ITSN2: variants seen among roughly 807,000 people sequenced by gnomAD.
The protein encoded by ITSN2 is intersectin 2, also known as intersectin-2.
Under a neutral mutation model 243.7 loss-of-function variants are expected in ITSN2, and 156 were observed. The observed-to-expected ratio is 0.64, with a 90% CI of 0.56 to 0.73. ITSN2 has a LOEUF of 0.73. Among genes scored for constraint, ITSN2 ranks in the 30% least tolerant of loss-of-function variants. The probability of loss-of-function intolerance (pLI) is 0.00; values close to 1 mark genes in which losing one functional copy is unlikely to be tolerated. For synonymous variants in ITSN2, 703 were observed against 699.9 expected (o/e 1.00, Z -0.07); for missense variants, 1,801 against 1,996.1 (o/e 0.90, Z 1.86).
At chr2:24,268,806 C>T (rs1173326087) in intron 20 of ITSN2, among the ~76,000 whole-genome samples, 1 of 151,320 alleles carries the variant, frequency 6.6e-6, no homozygotes, top group Non-Finnish European at 1.5e-5. Context: ...TATTTACTAC[C>T]TTCTCTCCTT....
intron 30 of ITSN2, 98 bp downstream of exon 30, chr2:24,220,847 C>T (rs757134622): frequency 6.1e-6 from 9 of 1,475,384 alleles, no homozygotes; most frequent in Non-Finnish European, 3.6e-6. Flanking sequence ...TGATGCCTTG[C>T]TTTGACTCTG....
intron 32 of ITSN2, chr2:24,214,351 T>C (rs930196707): frequency 1.3e-5 from 2 of 152,232 alleles, no homozygotes; most frequent in South Asian, 4.1e-4. Context: ...TTGTATAATA[T>C]AGAATAATCT....
At chr2:24,232,317 T>C (rs1558457961) in intron 29 of ITSN2, among the ~76,000 whole-genome samples, 1 of 152,236 alleles carries the variant, frequency 6.6e-6, no homozygotes, top group Non-Finnish European at 1.5e-5. Flanking sequence ...AAAGCAACTA[T>C]ATTGACAAGT....
At chr2:24,222,745 G>T (rs113429605) in intron 29 of ITSN2, among the ~76,000 whole-genome samples, 4,810 of 144,990 alleles carry the variant, frequency 0.033, 120 homozygotes, top group Middle Eastern at 0.054. Flanking sequence ...CGCAAATCTC[G>T]GCTCACTGCA....
At chr2:24,313,897 T>G (rs1380148747) in intron 3 of ITSN2, among the ~76,000 whole-genome samples, 1 of 152,046 alleles carries the variant, frequency 6.6e-6, no homozygotes, top group African/African-American at 2.4e-5. Flanking sequence ...CCTCCATGAG[T>G]TTCTTCACAC....
At chr2:24,316,113 T>C (rs1290493331) in intron 2 of ITSN2, among the ~76,000 whole-genome samples, 1 of 152,128 alleles carries the variant, frequency 6.6e-6, no homozygotes, top group Non-Finnish European at 1.5e-5. Context: ...TCAAGGCATG[T>C]GCAAGGTGCT....
intron 32 of ITSN2, among the ~76,000 whole-genome samples, chr2:24,215,098 TTCTC>T (rs1345559586): frequency 3.3e-5 from 5 of 152,336 alleles, no homozygotes; most frequent in Admixed American, 2.0e-4. Flanking sequence ...ATACACAGTG[TTCTC>T]TCTCTGAGTA....
At chr2:24,227,782 G>A (rs533161332) in intron 29 of ITSN2, among the ~76,000 whole-genome samples, 1 of 152,286 alleles carries the variant, frequency 6.6e-6, no homozygotes, top group African/African-American at 2.4e-5. Context: ...AGCGGGGCAT[G>A]GTGGCGGGTG....
In ITSN2 at chr2:24,211,146, GC is replaced by G. The variant is rs1669459023; in HGVS notation, c.4090-200del. The stretch of plus-strand genomic sequence containing the variant: ...TCTTGGGGACACAGGGACAGGTAAC[GC>G]TGCTGTGACAAGGTGACAGTGCTAA... On this transcript the variant is annotated intron_variant, in intron 33 of 39. Transcript: ENST00000355123. The surrounding 1 kb of genome is among the most constrained non-coding windows in gnomAD (Gnocchi z 4.1). Among the ~76,000 whole-genome samples, 1 of 152,228 alleles carries G rather than the reference GC, an allele frequency of 6.6e-6. No individual in the cohort carries two copies. The highest frequency in any genetic ancestry group is 2.4e-5 in the African/African-American group (1 of 41,464).
rs1669438360 is a variant in ITSN2 at position 24,211,003 on chromosome 2, T to C, written c.4090-56A>G. Reference sequence around the variant, plus strand: ...GAGCTGCGTCTCTCACCTGCCCACCTGGACCTTCGCAGGACCGCTCCTCCA... The same window carrying C: ...GAGCTGCGTCTCTCACCTGCCCACCCGGACCTTCGCAGGACCGCTCCTCCA... On this transcript the variant is annotated intron_variant, in intron 33 of 39. Transcript: ENST00000355123. This position sits in a 1 kb window ranked among gnomAD's most constrained non-coding sequence, Gnocchi z 4.1. The C allele has an allele frequency of 3.2e-6, 5 of 1,563,376 alleles. No homozygotes were observed. Among genetic ancestry groups the C allele is most frequent in the Non-Finnish European group, 4.4e-6 (5 of 1,137,970 alleles).
intron 1 of ITSN2, among the ~76,000 whole-genome samples, chr2:24,349,034 A>T (rs917063341): frequency 3.9e-5 from 6 of 152,224 alleles, no homozygotes; most frequent in Non-Finnish European, 7.3e-5. Flanking sequence ...CTGGAGGCCA[A>T]GGCAGGATGA....
intron 15 of ITSN2, among the ~76,000 whole-genome samples, chr2:24,291,415 C>T (rs1680232059): frequency 6.6e-6 from 1 of 152,088 alleles, no homozygotes; most frequent in Non-Finnish European, 1.5e-5. Context: ...AGGCATGAGC[C>T]ACAGTGTCCA....
chr2:24,223,884 G>GA (rs1553344488), intron 29 of ITSN2, among the ~76,000 whole-genome samples: 6 of 128,716 alleles, frequency 4.7e-5, no homozygotes, highest in African/African-American at 8.6e-5. Flanking sequence ...AAAAAAGAAA[G>GA]AAGAAAAATA....
intron 1 of ITSN2, among the ~76,000 whole-genome samples, chr2:24,333,061 A>T (rs1346443693): frequency 1.3e-5 from 2 of 152,222 alleles, no homozygotes; most frequent in Non-Finnish European, 2.9e-5. Flanking sequence ...ATGATACTGT[A>T]CTCATTTCAC....
intron 2 of ITSN2, among the ~76,000 whole-genome samples, chr2:24,324,665 A>G (rs537795048): frequency 1.3e-5 from 2 of 152,006 alleles, no homozygotes; most frequent in South Asian, 2.1e-4. Flanking sequence ...CCTGGTCAAC[A>G]TAGTGAGACC....
At chr2:24,223,668 A>T (rs1054074112) in intron 29 of ITSN2, among the ~76,000 whole-genome samples, 8 of 136,586 alleles carry the variant, frequency 5.9e-5, no homozygotes, top group Admixed American at 7.5e-5. Context: ...GCCAGATAAG[A>T]GTGAGACCCT....
At chr2:24,214,870 G>A (rs1422582202) in intron 32 of ITSN2, among the ~76,000 whole-genome samples, 2 of 151,836 alleles carry the variant, frequency 1.3e-5, no homozygotes, top group Non-Finnish European at 2.9e-5. Context: ...TGATATGGCT[G>A]TTTAATATAT....
chr2:24,242,903 T>A lies in ITSN2; in HGVS notation c.3577+3226A>T, dbSNP rs371723451. Reference sequence around the variant, plus strand: ...CCACATATACCCGCCAGAAACAAGGTAATAGGTAAGTTACTGGTAATAACT... The same window carrying A: ...CCACATATACCCGCCAGAAACAAGGAAATAGGTAAGTTACTGGTAATAACT... On this transcript the variant is annotated intron_variant, in intron 29 of 39. Coordinates refer to ENST00000355123, the MANE Select transcript of ITSN2 (RefSeq NM_006277.3). Among the ~76,000 whole-genome samples, 58 of 152,256 alleles carry A rather than the reference T, an allele frequency of 3.8e-4. 1 individual carries two copies. The East Asian group carries it at 9.8e-3, about 26-fold the overall frequency.
At chr2:24,289,864 G>A (rs1236279367) in intron 15 of ITSN2, among the ~76,000 whole-genome samples, 2 of 152,124 alleles carry the variant, frequency 1.3e-5, no homozygotes, top group African/African-American at 4.8e-5. Context: ...TTCTTCCAAT[G>A]TGACCCAGGG....
Sources: allele counts gnomAD v4.1 joint callset (sites outside exome capture counted in the v4.1 genomes callset), GRCh38; gene constraint gnomAD v4.1.1; non-coding constraint Gnocchi (gnomAD v3.1); transcripts MANE v1.5; gene names NCBI Gene and HGNC (gene_info 2026-07-23, HGNC 2026-07-21).